SPIRE2: variants seen among roughly 807,000 people sequenced by gnomAD.
The protein encoded by SPIRE2 is protein spire homolog 2.
In SPIRE2, 76 loss-of-function variants were observed where a neutral mutation model predicts 80.7. The ratio of observed to expected loss-of-function variants is 0.94; its 90% CI spans 0.78 to 1.14. The LOEUF (loss-of-function observed/expected upper bound fraction) is 1.14, where lower values mean the gene tolerates loss of function less well. Among genes scored for constraint, SPIRE2 ranks in the 50% most tolerant of loss-of-function variants. The pLI is 0.00. For missense variants in SPIRE2, 1,196 were observed against 1,015.3 expected (o/e 1.18, Z -2.42); for synonymous variants, 535 against 432.6 (o/e 1.24, Z -2.94).
In SPIRE2 at chr16:89,849,391, C is replaced by T. The variant is rs554947205; in HGVS notation, c.289-913C>T. On this transcript the variant is annotated intron_variant, in intron 2 of 14. Transcript: ENST00000378247. ...TCCCTGTCCCCACGTCAGTGTGGCT[C>T]GAGGTGAGGTTGGTACGTGATGTGC... 4.7e-4 allele frequency among the ~76,000 whole-genome samples: 71 copies of T among 152,322 alleles called. No homozygotes were observed. The East Asian group carries it at 0.013, about 27-fold the overall frequency.
At chr16:89,834,299 C>T (rs1361204156) in intron 1 of SPIRE2, among the ~76,000 whole-genome samples, 1 of 140,012 alleles carries the variant, frequency 7.1e-6, no homozygotes, top group East Asian at 2.0e-4. Flanking sequence ...CGCGGTTGGC[C>T]GTCGTAGAAG....
rs2143767683 is a variant in SPIRE2, at chr16:89,828,603, A to G, written c.53A>G (p.Glu18Gly). The change falls in exon 1 of 15, where the codon GAG becomes GGG. Residue 18 changes from glutamate (E) to glycine (G), a missense_variant. Transcript: ENST00000378247. This position sits in a 1 kb window ranked among gnomAD's most constrained non-coding sequence, Gnocchi z 5.9. The stretch of plus-strand genomic sequence containing the variant: ...GCCGCGGCGGGCGCAGGGCGGCCGG[A>G]GCCCTGGGAGCTGTCCCTGGAGGAG... The part of the protein sequence containing the change: ...GGAAAGAGRP[E>G]PWELSLEEVL... 1 of 1,239,158 alleles carries G rather than the reference A, an allele frequency of 8.1e-7. No homozygotes were observed. The allele number at this position is 1,239,158 out of a possible 1,614,324, so 76.8% of individuals were successfully genotyped here.
intron 1 of SPIRE2, among the ~76,000 whole-genome samples, chr16:89,838,015 T>C (rs71396974): frequency 0.015 from 2,294 of 151,670 alleles, 39 homozygotes; most frequent in South Asian, 0.095. Context: ...TTTTTTTGTT[T>C]TTATTTTTTT....
At chr16:89,869,053 A>AAAAAAAATATATATATATATATATAT in intron 13 of SPIRE2, among the ~76,000 whole-genome samples, 1 of 24,028 alleles carries the variant, frequency 4.2e-5, no homozygotes, top group African/African-American at 1.6e-4. Flanking sequence ...AAAAAAAAAA[A>AAAAAAAATATATATATATATATATAT]ATATATATAT....
At chr16:89,860,843 T>C in intron 10 of SPIRE2, 48 bp downstream of exon 10, 2 of 1,210,064 alleles carry the variant, frequency 1.7e-6, no homozygotes, top group South Asian at 1.6e-5. Context: ...GGGGCGTCTT[T>C]GCACCCACCT....
chr16:89,861,078 G>T (rs1597222779), intron 10 of SPIRE2, among the ~76,000 whole-genome samples: 1 of 152,174 alleles, frequency 6.6e-6, no homozygotes, highest in Non-Finnish European at 1.5e-5. Flanking sequence ...TAGGGCAGAC[G>T]GTGAACCTGC....
At chr16:89,858,306 G>A (rs374028380) in intron 7 of SPIRE2, 32 bp from the exon 8 acceptor site, 35 of 1,538,174 alleles carry the variant, frequency 2.3e-5, no homozygotes, top group Admixed American at 2.0e-4. Flanking sequence ...CCCGTTCACT[G>A]GCCCGTCCTG....
At chr16:89,831,510 G>A (rs1238626645) in intron 1 of SPIRE2, among the ~76,000 whole-genome samples, 1 of 148,640 alleles carries the variant, frequency 6.7e-6, no homozygotes, top group Non-Finnish European at 1.5e-5. Context: ...CCATTCTCCT[G>A]CCTCAGCGTC....
Position 89,828,940 on chromosome 16 carries a change from T to TCCCA in SPIRE2, c.244+148_244+151dup. 1 of 503,532 alleles carries TCCCA rather than the reference T, an allele frequency of 2.0e-6. No individual in the cohort carries two copies. The highest frequency in any genetic ancestry group is 2.9e-6 in the Non-Finnish European group (1 of 348,240). The allele number at this position is 503,532 out of a possible 1,614,324, so 31.2% of individuals were successfully genotyped here. On this transcript the variant is annotated intron_variant, in intron 1 of 14. Transcript: ENST00000378247. This position sits in a 1 kb window ranked among gnomAD's most constrained non-coding sequence, Gnocchi z 5.9. ...TCTGCGGGACCCGGAGCTCCCTCCC[T>TCCCA]CCCACTCTCCGTCCCTCTTTCCCTC... is the stretch of plus-strand genomic sequence containing the variant.
At chr16:89,852,611 C>A (rs1192449239) in intron 3 of SPIRE2, among the ~76,000 whole-genome samples, 4 of 55,370 alleles carry the variant, frequency 7.2e-5, no homozygotes, top group African/African-American at 2.9e-4. Context: ...CCCTCCACCC[C>A]CCAGATCCCC....
At chr16:89,847,714 C>T (rs893509485) in intron 2 of SPIRE2, among the ~76,000 whole-genome samples, 2 of 152,342 alleles carry the variant, frequency 1.3e-5, no homozygotes, top group Non-Finnish European at 2.9e-5. Context: ...CCCAGGCCTG[C>T]ACCTGCTGTG....
intron 1 of SPIRE2, among the ~76,000 whole-genome samples, chr16:89,837,060 G>A (rs2041457030): frequency 6.6e-6 from 1 of 152,178 alleles, no homozygotes; most frequent in Non-Finnish European, 1.5e-5. Context: ...CCAGGAATCT[G>A]TGTTTCCAAA....
At chr16:89,861,813 C>T (rs529464071) in intron 10 of SPIRE2, among the ~76,000 whole-genome samples, 4 of 152,270 alleles carry the variant, frequency 2.6e-5, no homozygotes, top group Non-Finnish European at 4.4e-5. Flanking sequence ...AGGCCTCTCT[C>T]GGGCTGCTTG....
chr16:89,846,406 C>T (rs781460617), intron 2 of SPIRE2: 6 of 151,840 alleles, frequency 4.0e-5, no homozygotes, highest in African/African-American at 9.7e-5. Context: ...ACTGCAACCT[C>T]GGCTAGTTGC....
At chr16:89,860,568 G>A (rs1227880277) in intron 9 of SPIRE2, 115 bp from the exon 10 acceptor site, 1 of 703,374 alleles carries the variant, frequency 1.4e-6, no homozygotes, top group African/African-American at 1.8e-5. Context: ...TTCTCCCCTT[G>A]ACCTTTTGCT....
intron 12 of SPIRE2, among the ~76,000 whole-genome samples, chr16:89,864,984 T>C (rs999443640): frequency 3.4e-4 from 52 of 151,496 alleles, no homozygotes; most frequent in African/African-American, 1.2e-3. Flanking sequence ...GAGGGGAAAA[T>C]TGGAAGTATA....
intron 1 of SPIRE2, among the ~76,000 whole-genome samples, chr16:89,841,912 G>C (rs943735319): frequency 1.3e-5 from 2 of 151,848 alleles, no homozygotes; most frequent in African/African-American, 2.4e-5. Context: ...ATTTTTAGGA[G>C]AGGTGGGGTT....
At chr16:89,870,024 CCT>C in intron 14 of SPIRE2, 24 bp from the exon 15 acceptor site, 1 of 1,599,958 alleles carries the variant, frequency 6.3e-7, no homozygotes, top group African/African-American at 1.3e-5. Context: ...GGCTCCTCTC[CCT>C]GAGTGCCCTC....
intron 12 of SPIRE2, among the ~76,000 whole-genome samples, chr16:89,865,163 C>T (rs1173035263): frequency 3.3e-5 from 5 of 152,060 alleles, no homozygotes; most frequent in African/African-American, 1.2e-4. Context: ...CCTGCTACCA[C>T]TCCCAGCTAA....
Sources: allele counts gnomAD v4.1 joint callset (sites outside exome capture counted in the v4.1 genomes callset), GRCh38; gene constraint gnomAD v4.1.1; non-coding constraint Gnocchi (gnomAD v3.1); transcripts MANE v1.5; gene names NCBI Gene and HGNC (gene_info 2026-07-23, HGNC 2026-07-21).